The following ZNF45 variants were observed in gnomAD, a reference collection of about 807,000 sequenced individuals.
The protein encoded by ZNF45 is zinc finger protein 45, also known as BRC1744.
A neutral mutation model predicts 12.0 loss-of-function variants in ZNF45; 4 were observed. The observed-to-expected ratio is 0.33, with a 90% CI of 0.16 to 0.76. The LOEUF is 0.76. Among genes scored for constraint, ZNF45 ranks in the 30% least tolerant of loss-of-function variants. The probability of loss-of-function intolerance (pLI) is 0.60; values close to 1 mark genes in which losing one functional copy is unlikely to be tolerated. For synonymous variants in ZNF45, 272 were observed against 279.6 expected (o/e 0.97, Z 0.27); for missense variants, 700 against 813.0 (o/e 0.86, Z 1.69).
chr19:43,920,895 C>T (rs1973116648), intron 7 of ZNF45, among the ~76,000 whole-genome samples: 1 of 152,138 alleles, frequency 6.6e-6, no homozygotes, highest in Admixed American at 6.6e-5. Context: ...AGCCACTGTG[C>T]TCGGCCAGCA....
At chr19:43,934,004 T>C (rs1974333299) in intron 2 of ZNF45, among the ~76,000 whole-genome samples, 1 of 152,204 alleles carries the variant, frequency 6.6e-6, no homozygotes, top group South Asian at 2.1e-4. Flanking sequence ...CTGCAGCCAG[T>C]TTCCTATGAT....
chr19:43,916,076 C>T (rs1972645988), intron 9 of ZNF45, among the ~76,000 whole-genome samples: 1 of 152,132 alleles, frequency 6.6e-6, no homozygotes. Flanking sequence ...CTCGGCCTCC[C>T]AAAGTGCTGG....
chr19:43,913,319 A>G lies in ZNF45; in HGVS notation c.*68T>C. The G allele has an allele frequency of 6.6e-7, 1 of 1,504,672 alleles. No homozygotes were observed. The highest frequency in any genetic ancestry group is 8.9e-7 in the Non-Finnish European group (1 of 1,127,498). 93.2% of individuals were successfully genotyped at this position (1,504,672 alleles called of 1,614,324 possible). On this transcript the variant is annotated 3_prime_UTR_variant, in exon 10 of 10. Coordinates refer to ENST00000269973, the MANE Select transcript of ZNF45 (RefSeq NM_003425.4). ...CTGAACTACTGACTCTATAAAACAA[A>G]TGTTTTGTCTATGATAGCTCTGATT...
intron 7 of ZNF45, among the ~76,000 whole-genome samples, chr19:43,921,816 T>A (rs1410276607): frequency 6.6e-6 from 1 of 152,212 alleles, no homozygotes; most frequent in African/African-American, 2.4e-5. Flanking sequence ...TTAGAAAAGA[T>A]GTAACTTGAA....
Position 43,914,762 on chromosome 19 carries a change from C to T in ZNF45, c.674G>A (p.Ser225Asn), listed in dbSNP as rs762005139. The part of the protein sequence containing the change: ...SRAKSYTNDA[S>N]YRSFSQRSHL... ...TGACCTCTGACTAAAACTCCTGTAA[C>T]TTGCATCATTTGTGTATGATTTTGC... The change falls in exon 10 of 10, where the codon AGT becomes AAT. Residue 225 changes from serine (S) to asparagine (N), a missense_variant. Coordinates refer to ENST00000269973, the MANE Select transcript of ZNF45 (RefSeq NM_003425.4). The T allele has an allele frequency of 3.7e-6, 6 of 1,614,146 alleles. No individual in the cohort carries two copies. In the East Asian group the frequency reaches 1.1e-4, roughly 30 times the overall value.
At chr19:43,919,283 T>TA (rs1972931764) in intron 8 of ZNF45, among the ~76,000 whole-genome samples, 1 of 152,098 alleles carries the variant, frequency 6.6e-6, no homozygotes, top group African/African-American at 2.4e-5. Flanking sequence ...TTTATTTCAT[T>TA]AAAAAAACCA....
intron 2 of ZNF45, among the ~76,000 whole-genome samples, chr19:43,933,613 G>T (rs118145918): frequency 0.02 from 2,996 of 152,262 alleles, 24 homozygotes; most frequent in South Asian, 0.051. Flanking sequence ...CTGTACATAA[G>T]AGTTCATTAT....
chr19:43,913,080 G>A lies in ZNF45; in HGVS notation c.*307C>T, dbSNP rs1972337940. ...GCACTGAAAAGGCAGAGTAGATTTG[G>A]CAGTCAACAAAGTCCCTGCCCTCTT... On this transcript the variant is annotated 3_prime_UTR_variant, in exon 10 of 10. Transcript: ENST00000269973. The A allele has an allele frequency of 3.8e-6, 1 of 261,266 alleles. No homozygotes were observed. Among genetic ancestry groups the A allele is most frequent in the Admixed American group, 4.8e-5 (1 of 20,840 alleles). 16.2% of individuals were successfully genotyped at this position (261,266 alleles called of 1,614,324 possible). A position where few individuals can be genotyped will look rare whatever the true frequency, so the allele number is the denominator to read the frequency against.
intron 3 of ZNF45, among the ~76,000 whole-genome samples, chr19:43,929,158 T>C (rs1973920356): frequency 6.6e-6 from 1 of 152,240 alleles, no homozygotes; most frequent in South Asian, 2.1e-4. Flanking sequence ...CCTGTGCCCA[T>C]GTTCTTAACC....
chr19:43,928,298 C>T (rs1383168985), intron 3 of ZNF45, among the ~76,000 whole-genome samples: 1 of 151,650 alleles, frequency 6.6e-6, no homozygotes, highest in Non-Finnish European at 1.5e-5. Context: ...TCTAACTCAT[C>T]AGTGGGAGCT....
chr19:43,914,268 A>G lies in ZNF45; in HGVS notation c.1168T>C (p.Cys390Arg). ...ISHTGEKPYK[C>R]EECGKGFCRA... ...CAGAAGCCTTTCCCACACTCCTCAC[A>G]TTTGTATGGCTTCTCTCCAGTGTGG... Residue 390 changes from cysteine (C) to arginine (R), a missense_variant, in exon 10 of 10, where the codon TGT (cysteine) becomes CGT (arginine). By Grantham distance (180) the Cys-to-Arg change is radical. Coordinates refer to ENST00000269973, the MANE Select transcript of ZNF45 (RefSeq NM_003425.4). 3 of 1,613,274 alleles carry G rather than the reference A, an allele frequency of 1.9e-6. No homozygotes were observed. The highest frequency in any genetic ancestry group is 2.5e-6 in the Non-Finnish European group (3 of 1,179,570).
chr19:43,922,168 CA>C lies in ZNF45; in HGVS notation c.15+2del. 6.2e-7 allele frequency: 1 copy of C among 1,609,854 alleles called. No individual in the cohort carries two copies. Among genetic ancestry groups the C allele is most frequent in the Non-Finnish European group, 8.5e-7 (1 of 1,177,064 alleles). On this transcript the variant is annotated splice_donor_variant, in intron 7 of 9. Coordinates refer to ENST00000269973, the MANE Select transcript of ZNF45 (RefSeq NM_003425.4). LOFTEE classifies it high-confidence loss of function. ...ATTACGGAGAAAGGGAGGTCCAACT[CA>C]CCTTAGACTTCGTCATTTTGTCCTC...
At position 43,913,775 on chromosome 19, in the gene ZNF45, T is replaced by C. The variant is rs866814499; in HGVS notation, c.1661A>G (p.Lys554Arg). Residue 554 changes from lysine to arginine, a missense_variant, in exon 10 of 10, where the codon AAA (lysine) becomes AGA (arginine). By Grantham distance (26) the Lys-to-Arg change is conservative. Coordinates refer to ENST00000269973, the MANE Select transcript of ZNF45 (RefSeq NM_003425.4). ...CCCACACTCCTCACATTGATAGGGT[T>C]TCTCTCCAGTGTGGCACCTCTGATG... ...QAHQRCHTGE[K>R]PYQCEECGKG... is the part of the protein sequence containing the mutation. The C allele has an allele frequency of 6.2e-7, 1 of 1,613,924 alleles. No homozygotes were observed. The highest frequency in any genetic ancestry group is 2.2e-5 in the East Asian group (1 of 44,842).
At chr19:43,917,030 A>G (rs1972740247) in intron 9 of ZNF45, among the ~76,000 whole-genome samples, 1 of 152,224 alleles carries the variant, frequency 6.6e-6, no homozygotes, top group Non-Finnish European at 1.5e-5. Flanking sequence ...CTGAAAGCAG[A>G]CTATAAAAAT....
At chr19:43,933,861 G>T (rs761185591) in intron 2 of ZNF45, among the ~76,000 whole-genome samples, 5 of 152,110 alleles carry the variant, frequency 3.3e-5, no homozygotes, top group Non-Finnish European at 7.4e-5. Flanking sequence ...ATCAAAATAT[G>T]AACTACTAAT....
intron 3 of ZNF45, among the ~76,000 whole-genome samples, chr19:43,927,125 C>T (rs977572069): frequency 5.3e-5 from 8 of 152,178 alleles, no homozygotes; most frequent in Admixed American, 2.0e-4. Flanking sequence ...TAGATAATTT[C>T]GGTCTCCTAA....
chr19:43,923,351 T>TGAGA (rs370797369), intron 6 of ZNF45, among the ~76,000 whole-genome samples: 3 of 151,442 alleles, frequency 2.0e-5, no homozygotes, highest in African/African-American at 7.3e-5. Context: ...TAAGATATTC[T>TGAGA]GAGAGAGAGA....
Position 43,935,014 on chromosome 19 carries a change from T to TC in ZNF45, c.-847dup, listed in dbSNP as rs1350207803. 6.6e-6 allele frequency: 1 copy of TC among 152,264 alleles called. No individual in the cohort carries two copies. Among genetic ancestry groups the TC allele is most frequent in the Non-Finnish European group, 1.5e-5 (1 of 68,160 alleles). The allele number at this position is 152,264 out of a possible 1,614,324, so 9.4% of individuals were successfully genotyped here. Reference sequence around the variant, plus strand: ...AGAGCCCAGGAGATCCTCAGACGCCTCCCCATTCAGGTCCACTTCCAACCA... The same window carrying TC: ...AGAGCCCAGGAGATCCTCAGACGCCTCCCCCATTCAGGTCCACTTCCAACCA... On this transcript the variant is annotated 5_prime_UTR_variant, in exon 1 of 10. It removes the in-frame stop codon of an upstream open reading frame in the 5' UTR. Transcript: ENST00000269973.
chr19:43,922,322 C>A (rs199808112), intron 6 of ZNF45, 105 bp from the exon 7 acceptor site: 17,989 of 699,554 alleles, frequency 0.026, 1,384 homozygotes, highest in East Asian at 0.24. Flanking sequence ...TTTTTTTTAA[C>A]GTGAAATAGC....
Sources: allele counts gnomAD v4.1 joint callset (sites outside exome capture counted in the v4.1 genomes callset), GRCh38; gene constraint gnomAD v4.1.1; transcripts MANE v1.5; gene names NCBI Gene and HGNC (gene_info 2026-07-23, HGNC 2026-07-21).